The following CHD1L variants were observed in gnomAD, a reference collection of about 807,000 sequenced individuals.
CHD1L encodes the protein ATP-dependent chromatin remodeler CHD1L.
Under a neutral mutation model 115.9 loss-of-function variants are expected in CHD1L, and 118 were observed. That is an observed-to-expected ratio of 1.02 (90% CI 0.88 to 1.19). The LOEUF (loss-of-function observed/expected upper bound fraction) is 1.19, where lower values mean the gene tolerates loss of function less well. Ranked by LOEUF, CHD1L falls within the 50% of genes most tolerant of loss-of-function variation. The pLI, the probability that CHD1L is intolerant of heterozygous loss-of-function variation, is 0.00. For synonymous variants in CHD1L, 411 were observed against 387.1 expected, an observed-to-expected ratio of 1.06 and a Z score of -0.72; for missense variants, 1,179 against 1,065.3, an observed-to-expected ratio of 1.11 and a Z score of -1.49.
intron 5 of CHD1L, among the ~76,000 whole-genome samples, chr1:147,257,826 T>C (rs1298854179): frequency 6.6e-6 from 1 of 152,236 alleles, no homozygotes; most frequent in Admixed American, 6.5e-5. Flanking sequence ...CATTTGGTGC[T>C]GTGGAGCCTC....
chr1:147,206,160 GA>G, the CHD1L span, among the ~76,000 whole-genome samples: 19 of 150,492 alleles, frequency 1.3e-4, 1 homozygote, highest in Non-Finnish European at 2.7e-4. Context: ...ACAGACACAT[GA>G]AAAAATGCTC....
At chr1:147,264,730 T>A in intron 7 of CHD1L, 146 bp downstream of exon 7, 1 of 750,906 alleles carries the variant, frequency 1.3e-6, no homozygotes, top group Non-Finnish European at 2.1e-6. Context: ...AGGGAGATGT[T>A]AAGTCACACA....
chr1:147,245,342 G>C (rs12092016), intron 1 of CHD1L, among the ~76,000 whole-genome samples: 91,265 of 152,098 alleles, frequency 0.6, 29,604 homozygotes, highest in East Asian at 0.89. Context: ...TCATGGGTCT[G>C]TGGGAGGGTA....
chr1:147,264,521 T>G lies in CHD1L; in HGVS notation c.676T>G (p.Ser226Ala). Reference sequence around the variant, plus strand: ...CAGTTTTGTGGAGCCTGATCTCTTTTCCAAGGAAGAGGTGGGAGATTTTAT... The same window carrying G: ...CAGTTTTGTGGAGCCTGATCTCTTTGCCAAGGAAGAGGTGGGAGATTTTAT... ...LLSFVEPDLF[S>A]KEEVGDFIQR... Residue 226 changes from serine to alanine, a missense_variant, in exon 7 of 23, where the codon TCC becomes GCC. Coordinates refer to ENST00000369258, the MANE Select transcript of CHD1L (RefSeq NM_004284.6). 1 of 1,614,170 alleles carries G rather than the reference T, an allele frequency of 6.2e-7. No individual in the cohort carries two copies. Among genetic ancestry groups the G allele is most frequent in the South Asian group, 1.1e-5 (1 of 91,082 alleles).
rs781889467 is a variant in CHD1L at position 147,252,735 on chromosome 1, G to C, written c.240G>C (p.Gln80His). The C allele has an allele frequency of 2.5e-6, 4 of 1,610,512 alleles. No homozygotes were observed. Among genetic ancestry groups the C allele is most frequent in the Non-Finnish European group, 3.4e-6 (4 of 1,177,076 alleles). ...GDEMGLGKTC[Q>H]TIALFIYLAG... ...AGATGGGCCTGGGGAAGACCTGCCA[G>C]GTGTGTTACTATGCGACGAGTACTG... Residue 80 changes from glutamine (Q) to histidine (H), a missense_variant and splice_region_variant, in exon 2 of 23, where the codon CAG (glutamine) becomes CAC (histidine). Coordinates refer to ENST00000369258, the MANE Select transcript of CHD1L (RefSeq NM_004284.6).
chr1:147,262,612 C>T (rs150351234), intron 6 of CHD1L, among the ~76,000 whole-genome samples: 49 of 152,122 alleles, frequency 3.2e-4, no homozygotes, highest in African/African-American at 1.1e-3. Flanking sequence ...GGAAACATTA[C>T]TTTTGACAAG....
At chr1:147,284,669 T>C (rs1682361818) in intron 16 of CHD1L, among the ~76,000 whole-genome samples, 170 bp downstream of exon 16, 2 of 152,184 alleles carry the variant, frequency 1.3e-5, no homozygotes, top group Admixed American at 1.3e-4. Context: ...AAAAACTATG[T>C]AAAAAAGTCA....
At chr1:147,260,022 A>G (rs949080816) in intron 6 of CHD1L, 104 bp downstream of exon 6, 4 of 884,368 alleles carry the variant, frequency 4.5e-6, no homozygotes, top group African/African-American at 1.7e-5. Context: ...AACAGAAACT[A>G]CAGATGTTTC....
chr1:147,178,481 G>A, the CHD1L span: 1 of 1,610,232 alleles, frequency 6.2e-7, no homozygotes. Context: ...ACTGCTGATG[G>A]AATTGTCAGC....
chr1:147,178,558 A>G, the CHD1L span: 3 of 1,610,248 alleles, frequency 1.9e-6, no homozygotes, highest in East Asian at 2.2e-5. Context: ...TAAGAAATTC[A>G]TTAGTGATAA....
chr1:147,213,615 C>T, the CHD1L span: 8 of 646,110 alleles, frequency 1.2e-5, no homozygotes, highest in South Asian at 2.6e-4. Flanking sequence ...CAAATAAGAA[C>T]TGTTTGGGGC....
At chr1:147,283,070 G>A (rs1305637938) in intron 15 of CHD1L, among the ~76,000 whole-genome samples, 2 of 152,092 alleles carry the variant, frequency 1.3e-5, no homozygotes, top group Non-Finnish European at 2.9e-5. Flanking sequence ...AAAAAACAGG[G>A]TTGCTTTATC....
At chr1:147,282,007 A>G (rs958420683) in intron 15 of CHD1L, among the ~76,000 whole-genome samples, 15 of 152,192 alleles carry the variant, frequency 9.9e-5, no homozygotes, top group Non-Finnish European at 1.9e-4. Context: ...ATCATTAGCT[A>G]TAGTCACCAT....
the CHD1L span, among the ~76,000 whole-genome samples, chr1:147,216,232 C>A: frequency 6.6e-6 from 1 of 152,142 alleles, no homozygotes; most frequent in Admixed American, 6.5e-5. Context: ...CTGGTAGAAG[C>A]TAGCAGCCAT....
At chr1:147,213,424 C>T in the CHD1L span, 1 of 1,612,920 alleles carries the variant, frequency 6.2e-7, no homozygotes, top group Non-Finnish European at 8.5e-7. Flanking sequence ...TTCCCATTGG[C>T]CTGAAGTGGC....
At chr1:147,189,229 G>A in the CHD1L span, among the ~76,000 whole-genome samples, 2 of 151,662 alleles carry the variant, frequency 1.3e-5, no homozygotes, top group African/African-American at 4.9e-5. Flanking sequence ...AGCGAAGATC[G>A]TGCCACTTAC....
intron 7 of CHD1L, among the ~76,000 whole-genome samples, chr1:147,265,607 A>G (rs782672684): frequency 1.3e-5 from 2 of 152,210 alleles, no homozygotes; most frequent in Non-Finnish European, 2.9e-5. Flanking sequence ...AAATGGGGAC[A>G]GTATTCCTCA....
the CHD1L span, among the ~76,000 whole-genome samples, chr1:147,213,833 A>C: frequency 1.3e-5 from 2 of 151,948 alleles, no homozygotes; most frequent in Non-Finnish European, 2.9e-5. Context: ...CCTGACCCCT[A>C]TATGTCCTGA....
intron 1 of CHD1L, among the ~76,000 whole-genome samples, chr1:147,251,883 A>T (rs1194342048): frequency 1.3e-5 from 2 of 152,166 alleles, no homozygotes; most frequent in Non-Finnish European, 2.9e-5. Flanking sequence ...AAAATAACTT[A>T]TTTTTTAAAT....
Sources: allele counts gnomAD v4.1 joint callset (sites outside exome capture counted in the v4.1 genomes callset), GRCh38; gene constraint gnomAD v4.1.1; transcripts MANE v1.5; gene names NCBI Gene and HGNC (gene_info 2026-07-23, HGNC 2026-07-21).